The following BMPR1B variants were observed in gnomAD, a reference collection of about 807,000 sequenced individuals.
BMPR1B encodes the protein bone morphogenetic protein receptor type-1B.
Under a neutral mutation model 59.1 loss-of-function variants are expected in BMPR1B, and 12 were observed. The ratio of observed to expected loss-of-function variants is 0.20; its 90% CI spans 0.13 to 0.33. The LOEUF (loss-of-function observed/expected upper bound fraction) is 0.33. Ranked by LOEUF, BMPR1B falls within the 10% of genes least tolerant of loss-of-function variation. The pLI is 1.00. For synonymous variants in BMPR1B, 237 were observed against 207.3 expected (o/e 1.14, Z -1.23); for missense variants, 550 against 610.9 (o/e 0.90, Z 1.05).
chr4:94,942,572 G>T (rs562116302), intron 2 of BMPR1B, among the ~76,000 whole-genome samples: 1 of 152,182 alleles, frequency 6.6e-6, no homozygotes, highest in Admixed American at 6.5e-5. Flanking sequence ...TGATAAGGAG[G>T]GTTTGCCTTG....
At chr4:95,110,157 G>A (rs1282058535) in intron 4 of BMPR1B, among the ~76,000 whole-genome samples, 2 of 151,844 alleles carry the variant, frequency 1.3e-5, no homozygotes. Context: ...AGACAATGTA[G>A]GATTTATCAG....
At chr4:94,825,290 C>T (rs922640170) in intron 1 of BMPR1B, among the ~76,000 whole-genome samples, 1 of 152,002 alleles carries the variant, frequency 6.6e-6, no homozygotes, top group African/African-American at 2.4e-5. Flanking sequence ...ATCTATTGAG[C>T]CCAGGAGTTT....
intron 2 of BMPR1B, among the ~76,000 whole-genome samples, chr4:94,992,284 A>G (rs906466193): frequency 6.6e-6 from 1 of 152,262 alleles, no homozygotes; most frequent in Non-Finnish European, 1.5e-5. Flanking sequence ...AAATTCAAGC[A>G]GTTCCTTGAG....
chr4:94,872,384 A>G (rs1476568129), intron 1 of BMPR1B, among the ~76,000 whole-genome samples: 4 of 152,248 alleles, frequency 2.6e-5, no homozygotes, highest in African/African-American at 9.6e-5. Flanking sequence ...GCAATAGAGT[A>G]TAAAAGCCCC....
intron 3 of BMPR1B, among the ~76,000 whole-genome samples, chr4:94,997,483 A>G (rs561030202): frequency 2.0e-5 from 3 of 152,312 alleles, no homozygotes; most frequent in Admixed American, 6.5e-5. Flanking sequence ...CTTTTGTTGA[A>G]TGCGTATATA....
chr4:94,788,273 T>C (rs1722835670), intron 1 of BMPR1B, among the ~76,000 whole-genome samples: 1 of 152,064 alleles, frequency 6.6e-6, no homozygotes, highest in South Asian at 2.1e-4. Flanking sequence ...CCAGCAGGCA[T>C]AAAGAAGCAT....
intron 1 of BMPR1B, among the ~76,000 whole-genome samples, chr4:94,783,782 G>T (rs879812213): frequency 6.6e-6 from 1 of 151,942 alleles, no homozygotes; most frequent in African/African-American, 2.4e-5. Context: ...TGTGAGTAGG[G>T]ACTGGTGGAG....
chr4:94,899,806 T>A (rs1727735535), intron 2 of BMPR1B, among the ~76,000 whole-genome samples: 1 of 152,076 alleles, frequency 6.6e-6, no homozygotes, highest in African/African-American at 2.4e-5. Context: ...GAAATGGGAA[T>A]GTCTGTACTG....
intron 3 of BMPR1B, among the ~76,000 whole-genome samples, chr4:95,012,048 AAAAG>A (rs932283640): frequency 1.1e-4 from 16 of 152,014 alleles, no homozygotes; most frequent in South Asian, 2.1e-4. Context: ...ACAAAAAAAA[AAAAG>A]AAAGAAAAAG....
At chr4:94,913,045 T>C (rs1728346084) in intron 2 of BMPR1B, among the ~76,000 whole-genome samples, 1 of 152,170 alleles carries the variant, frequency 6.6e-6, no homozygotes, top group South Asian at 2.1e-4. Context: ...AATTATAACT[T>C]TTAAATACAT....
intron 11 of BMPR1B, 70 bp from the exon 12 acceptor site, chr4:95,152,571 CTG>C (rs968828575): frequency 6.7e-6 from 9 of 1,344,430 alleles, no homozygotes; most frequent in Middle Eastern, 2.7e-4. Flanking sequence ...CCTTTGAGAA[CTG>C]TGTTAGACTT....
rs577829464 is a variant in BMPR1B, at chr4:95,120,313, A to C, written c.350-3497A>C. ...ATTGTGTGTCTTTGCTATTGTGAAT[A>C]GTGTGGCAATGAACATACAAATGCA... is the stretch of plus-strand genomic sequence containing the variant. On this transcript the variant is annotated intron_variant, in intron 6 of 12. Transcript: ENST00000515059. 1.7e-3 allele frequency among the ~76,000 whole-genome samples: 256 copies of C among 152,324 alleles called. 1 individual carries two copies. Among genetic ancestry groups the C allele is most frequent in the Admixed American group, 3.2e-3 (49 of 15,300 alleles).
At chr4:94,853,626 A>G (rs538004611) in intron 1 of BMPR1B, among the ~76,000 whole-genome samples, 45 of 152,150 alleles carry the variant, frequency 3.0e-4, no homozygotes, top group African/African-American at 1.1e-3. Context: ...GGCTAGTGTT[A>G]TTTTTGTTTC....
chr4:95,120,517 G>A (rs1362227230), intron 6 of BMPR1B, among the ~76,000 whole-genome samples: 1 of 152,032 alleles, frequency 6.6e-6, no homozygotes, highest in Non-Finnish European at 1.5e-5. Flanking sequence ...AAAACCTAAA[G>A]ACTCCATCAA....
chr4:94,869,143 C>G (rs962678237), intron 1 of BMPR1B, among the ~76,000 whole-genome samples: 3 of 136,242 alleles, frequency 2.2e-5, no homozygotes, highest in Non-Finnish European at 4.7e-5. Flanking sequence ...CACACACACA[C>G]TTTGCTTTAA....
At position 95,115,775 on chromosome 4, in the gene BMPR1B, T is replaced by C. The variant is rs1000294008; in HGVS notation, c.337T>C (p.Leu113=). Residue 113 remains leucine, a synonymous_variant, in exon 6 of 13, where the codon TTG becomes CTG. Coordinates refer to ENST00000515059, the MANE Select transcript of BMPR1B (RefSeq NM_001203.3). ...AGACCTACACCCTACACTGCCTCCA[T>C]TGAAAAACAGAGGTAAGTGAGGAAG... ...NKDLHPTLPP[L]KNRDFVDGPI... 9.3e-6 allele frequency: 15 copies of C among 1,611,860 alleles called. No individual in the cohort carries two copies. The highest frequency in any genetic ancestry group is 1.3e-5 in the African/African-American group (1 of 74,832).
At chr4:94,811,782 C>T (rs1310151898) in intron 1 of BMPR1B, among the ~76,000 whole-genome samples, 1 of 152,134 alleles carries the variant, frequency 6.6e-6, no homozygotes, top group Non-Finnish European at 1.5e-5. Flanking sequence ...CAATAACATT[C>T]ATTTGCAGAA....
chr4:94,777,659 C>G (rs559312704), intron 1 of BMPR1B, among the ~76,000 whole-genome samples: 2 of 152,178 alleles, frequency 1.3e-5, no homozygotes, highest in South Asian at 4.2e-4. Flanking sequence ...TGTGAAAAGG[C>G]CCTTATATTG....
chr4:94,921,459 G>T (rs1231295031), intron 2 of BMPR1B, among the ~76,000 whole-genome samples: 9 of 152,080 alleles, frequency 5.9e-5, no homozygotes, highest in Non-Finnish European at 1.2e-4. Flanking sequence ...CTTTTGGAGA[G>T]GCCTCAGGGA....
Sources: gnomAD v4.1 joint callset for allele counts (sites outside exome capture counted in the v4.1 genomes callset) on GRCh38, gnomAD v4.1.1 for gene constraint, MANE v1.5 for transcripts, NCBI Gene and HGNC (gene_info 2026-07-23, HGNC 2026-07-21) for gene names.